Variants in PIK3C2G observed in about 807,000 individuals in gnomAD.
PIK3C2G encodes phosphatidylinositol-4-phosphate 3-kinase catalytic subunit type 2 gamma.
In PIK3C2G, 168 loss-of-function variants were observed where a neutral mutation model predicts 181.1. The ratio of observed to expected loss-of-function variants is 0.93; its 90% CI spans 0.82 to 1.05. The LOEUF (loss-of-function observed/expected upper bound fraction) is 1.05. PIK3C2G is among the 50% of genes least tolerant of loss of function. The pLI, the probability that PIK3C2G is intolerant of heterozygous loss-of-function variation, is 0.00. For missense variants in PIK3C2G, 1,869 were observed against 1,732.8 expected, an observed-to-expected ratio of 1.08 and a Z score of -1.40; for synonymous variants, 573 against 592.2, an observed-to-expected ratio of 0.97 and a Z score of 0.47.
chr12:18,281,150 T>C lies in PIK3C2G; in HGVS notation c.-78-854T>C, dbSNP rs369172555. ...AGAAGAGTGGCCAAGGTTAAAGTCA[T>C]TGACAAATGGATGGGATGGTAATTT... On this transcript the variant is annotated intron_variant, in intron 1 of 32. Transcript: ENST00000538779. Among the ~76,000 whole-genome samples, 5 of 151,516 alleles carry C rather than the reference T, an allele frequency of 3.3e-5. No homozygotes were observed. In the East Asian group the frequency reaches 7.8e-4, roughly 24 times the overall value.
At chr12:18,575,741 G>A (rs1286561742) in intron 29 of PIK3C2G, among the ~76,000 whole-genome samples, 1 of 152,156 alleles carries the variant, frequency 6.6e-6, no homozygotes, top group Admixed American at 6.5e-5. Flanking sequence ...TAGGCAAAGA[G>A]AACTGCAAAA....
rs77529691 is a variant in PIK3C2G, at chr12:18,299,542, T to C, written c.1034+5527T>C. Among the ~76,000 whole-genome samples the C allele has an allele frequency of 1.9e-3, 296 of 152,068 alleles. 1 individual carries two copies. The highest frequency in any genetic ancestry group is 7.1e-3 in the East Asian group (37 of 5,176). On this transcript the variant is annotated intron_variant, in intron 5 of 32. Coordinates refer to ENST00000538779, the MANE Select transcript of PIK3C2G (RefSeq NM_001288772.2). The stretch of plus-strand genomic sequence containing the variant: ...TCTGGCTGCTTTTTATTTATATATT[T>C]TGCCCAATTGTTGTGTGTAGGACTT...
At chr12:18,475,445 C>T (rs772031011) in intron 18 of PIK3C2G, among the ~76,000 whole-genome samples, 2 of 150,628 alleles carry the variant, frequency 1.3e-5, no homozygotes, top group Non-Finnish European at 3.0e-5. Context: ...ATTTTTCCCC[C>T]GAGATGAAAA....
At chr12:18,546,811 T>C (rs1003916267) in intron 26 of PIK3C2G, among the ~76,000 whole-genome samples, 1 of 152,010 alleles carries the variant, frequency 6.6e-6, no homozygotes. Context: ...TGTAAGACAA[T>C]ACAAATATTG....
chr12:18,612,665 TA>T (rs1330542987), intron 31 of PIK3C2G, among the ~76,000 whole-genome samples: 1 of 152,174 alleles, frequency 6.6e-6, no homozygotes, highest in African/African-American at 2.4e-5. Context: ...CAACATATTT[TA>T]TTTGCTAATT....
chr12:18,324,819 C>T (rs1366889008), intron 7 of PIK3C2G, among the ~76,000 whole-genome samples: 1 of 152,152 alleles, frequency 6.6e-6, no homozygotes, highest in Non-Finnish European at 1.5e-5. Flanking sequence ...CTTTGGAGTT[C>T]TAAGACTTTC....
intron 24 of PIK3C2G, among the ~76,000 whole-genome samples, chr12:18,513,371 G>C (rs1942334347): frequency 9.2e-6 from 1 of 109,038 alleles, no homozygotes; most frequent in Admixed American, 1.1e-4. Flanking sequence ...AAAAGAATTG[G>C]TATTCTTTTT....
intron 24 of PIK3C2G, among the ~76,000 whole-genome samples, chr12:18,514,801 G>A (rs936190984): frequency 6.6e-6 from 1 of 151,734 alleles, no homozygotes; most frequent in Non-Finnish European, 1.5e-5. Context: ...GGTTAAAGTG[G>A]GCATCCTTGT....
chr12:18,541,675 GT>G (rs1944163101), intron 25 of PIK3C2G, among the ~76,000 whole-genome samples: 1 of 151,860 alleles, frequency 6.6e-6, no homozygotes, highest in Non-Finnish European at 1.5e-5. Flanking sequence ...AAAAAGGGAC[GT>G]ATCTATTCAT....
chr12:18,269,383 A>G (rs1330420731), intron 1 of PIK3C2G, among the ~76,000 whole-genome samples: 1 of 152,056 alleles, frequency 6.6e-6, no homozygotes, highest in Non-Finnish European at 1.5e-5. Context: ...ACAGCAATAG[A>G]TACATTGGGG....
At chr12:18,546,523 T>C (rs772175739) in intron 26 of PIK3C2G, 91 bp downstream of exon 26, 54 of 739,980 alleles carry the variant, frequency 7.3e-5, no homozygotes, top group African/African-American at 1.7e-4. Flanking sequence ...TGACCAGTCA[T>C]TGGTATGAAG....
intron 18 of PIK3C2G, among the ~76,000 whole-genome samples, chr12:18,435,443 C>A (rs1351380922): frequency 6.6e-6 from 1 of 152,094 alleles, no homozygotes; most frequent in African/African-American, 2.4e-5. Flanking sequence ...ACAACTTGAT[C>A]CCAAACTCAT....
At chr12:18,675,674 A>G in the PIK3C2G span, among the ~76,000 whole-genome samples, 2 of 152,196 alleles carry the variant, frequency 1.3e-5, no homozygotes, top group Admixed American at 6.6e-5. Flanking sequence ...TATCTATACC[A>G]TGGAATACTA....
At chr12:18,252,443 C>G (rs1948104439) in intron 1 of PIK3C2G, among the ~76,000 whole-genome samples, 1 of 152,112 alleles carries the variant, frequency 6.6e-6, no homozygotes, top group Admixed American at 6.6e-5. Context: ...AGGCTCATAG[C>G]TAAGTCACCT....
chr12:18,540,001 C>T (rs560510336), intron 25 of PIK3C2G, among the ~76,000 whole-genome samples: 2 of 151,720 alleles, frequency 1.3e-5, no homozygotes, highest in Middle Eastern at 3.4e-3. Context: ...GTACCACAAA[C>T]AAACAAACAA....
chr12:18,644,170 G>C lies in PIK3C2G; in HGVS notation c.4308+3616G>C, dbSNP rs114331041. Among the ~76,000 whole-genome samples, 822 of 152,050 alleles carry C rather than the reference G, an allele frequency of 5.4e-3. 9 individuals carry two copies. Among genetic ancestry groups the C allele is most frequent in the African/African-American group, 0.019 (791 of 41,488 alleles). ...CACTTCGCAGAGTGAGCCCCAATAG[G>C]CTTCATCAGCAGTCTCCCTGAAAAC... On this transcript the variant is annotated intron_variant, in intron 32 of 32. Transcript: ENST00000538779.
At chr12:18,334,795 T>A (rs1169679870) in intron 8 of PIK3C2G, among the ~76,000 whole-genome samples, 1 of 152,126 alleles carries the variant, frequency 6.6e-6, no homozygotes, top group Admixed American at 6.6e-5. Flanking sequence ...TCAGCCATCA[T>A]AGGGTTTGTA....
chr12:18,356,863 T>C (rs1170649346), intron 11 of PIK3C2G, among the ~76,000 whole-genome samples: 1 of 121,830 alleles, frequency 8.2e-6, no homozygotes, highest in African/African-American at 3.1e-5. Flanking sequence ...GGGGTTTTTA[T>C]GGTTATAGGA....
intron 8 of PIK3C2G, among the ~76,000 whole-genome samples, chr12:18,334,706 A>C (rs1448063824): frequency 1.3e-5 from 2 of 152,012 alleles, no homozygotes; most frequent in African/African-American, 4.8e-5. Context: ...AATGTTGCCC[A>C]AGTCTACCTT....
Sources: allele counts gnomAD v4.1 joint callset (sites outside exome capture counted in the v4.1 genomes callset), GRCh38; gene constraint gnomAD v4.1.1; transcripts MANE v1.5; gene names NCBI Gene and HGNC (gene_info 2026-07-23, HGNC 2026-07-21).